C1orf105: variants seen among roughly 807,000 people sequenced by gnomAD.
C1orf105 encodes uncharacterized protein C1orf105.
C1orf105 carries 17 observed loss-of-function variants against 20.8 expected under a neutral mutation model. The ratio of observed to expected loss-of-function variants is 0.82; its 90% CI spans 0.56 to 1.23. The LOEUF is 1.23. C1orf105 is among the 50% of genes most tolerant of loss of function. The pLI, the probability that C1orf105 is intolerant of heterozygous loss-of-function variation, is 0.00. For missense variants in C1orf105, 219 were observed against 213.5 expected (o/e 1.03, Z -0.16); for synonymous variants, 72 against 72.1 (o/e 1.00, Z 0.01).
chr1:172,444,435 A>G, intron 1 of C1orf105: 2 of 444,296 alleles, frequency 4.5e-6, no homozygotes, highest in Non-Finnish European at 6.0e-6. Context: ...GAATGCCTGC[A>G]TGTAACAAGC....
intron 6 of C1orf105, among the ~76,000 whole-genome samples, chr1:172,467,763 CT>C (rs1215603158): frequency 6.6e-6 from 1 of 152,160 alleles, no homozygotes; most frequent in Non-Finnish European, 1.5e-5. Context: ...AGTTCCAATT[CT>C]CTTAGTCACT....
intron 1 of C1orf105, among the ~76,000 whole-genome samples, chr1:172,440,732 T>C (rs2072193471): frequency 6.6e-6 from 1 of 152,202 alleles, no homozygotes; most frequent in South Asian, 2.1e-4. Context: ...GGCACAGTAG[T>C]AGTCTTATGT....
intron 6 of C1orf105, 124 bp from the exon 7 acceptor site, chr1:172,468,325 G>A: frequency 1.4e-6 from 1 of 720,616 alleles, no homozygotes; most frequent in Non-Finnish European, 2.1e-6. Context: ...AAATTATTAG[G>A]TGAATTTTAA....
At chr1:172,455,203 C>T (rs1649105907) in intron 3 of C1orf105, among the ~76,000 whole-genome samples, 1 of 152,048 alleles carries the variant, frequency 6.6e-6, no homozygotes, top group Non-Finnish European at 1.5e-5. Flanking sequence ...AGTTTTTAGC[C>T]CTCAAACCCC....
chr1:172,441,299 C>T (rs1647272874), intron 1 of C1orf105, among the ~76,000 whole-genome samples: 1 of 151,448 alleles, frequency 6.6e-6, no homozygotes, highest in African/African-American at 2.4e-5. Flanking sequence ...GATTTGAGCC[C>T]TAGATAAATA....
intron 3 of C1orf105, among the ~76,000 whole-genome samples, chr1:172,450,595 G>A (rs1233003210): frequency 2.0e-5 from 3 of 152,192 alleles, no homozygotes; most frequent in Admixed American, 1.3e-4. Context: ...CTGGCAATCC[G>A]GAGGCCAACT....
At chr1:172,435,496 A>T (rs1421044816) in intron 1 of C1orf105, among the ~76,000 whole-genome samples, 1 of 152,222 alleles carries the variant, frequency 6.6e-6, no homozygotes, top group Non-Finnish European at 1.5e-5. Flanking sequence ...AAAAAAAACC[A>T]CAAAATTATC....
intron 4 of C1orf105, among the ~76,000 whole-genome samples, chr1:172,459,884 A>G (rs1470496076): frequency 4.6e-5 from 7 of 152,228 alleles, no homozygotes; most frequent in African/African-American, 1.7e-4. Context: ...ATGAAATACT[A>G]AAACATGCTA....
Position 172,448,510 on chromosome 1 carries a change from A to C in C1orf105, c.177A>C (p.Gln59His), listed in dbSNP as rs144143981. 6.2e-7 allele frequency: 1 copy of C among 1,612,334 alleles called. No individual in the cohort carries two copies. Among genetic ancestry groups the C allele is most frequent in the African/African-American group, 1.3e-5 (1 of 74,914 alleles). Residue 59 changes from glutamine to histidine, a missense_variant, in exon 3 of 7, where the codon CAA (glutamine) becomes CAC (histidine). Transcript: ENST00000367727. ...ATATGAATTTGCCAATTTTGTTTCAAGTTCCAGATGTTTTATCTAAGGTAC... is the reference window on the plus strand; with the variant it reads ...ATATGAATTTGCCAATTTTGTTTCACGTTCCAGATGTTTTATCTAAGGTAC... Reference protein sequence around the residue: ...KKNMNLPILFQVPDVLSKARR... With the variant: ...KKNMNLPILFHVPDVLSKARR...
At chr1:172,434,750 G>C (rs2071982555) in intron 1 of C1orf105, among the ~76,000 whole-genome samples, 1 of 152,180 alleles carries the variant, frequency 6.6e-6, no homozygotes, top group Admixed American at 6.5e-5. Context: ...ACTAAGATCA[G>C]AGCAGAACTG....
intron 3 of C1orf105, among the ~76,000 whole-genome samples, chr1:172,454,078 A>G (rs1248858349): frequency 2.0e-5 from 3 of 152,184 alleles, no homozygotes; most frequent in Non-Finnish European, 4.4e-5. Context: ...TCCACTTCCT[A>G]TAGGGTCTAA....
chr1:172,433,163 G>A (rs968341734), intron 1 of C1orf105, among the ~76,000 whole-genome samples: 2 of 152,180 alleles, frequency 1.3e-5, no homozygotes, highest in Non-Finnish European at 2.9e-5. Context: ...AAAGTGATGG[G>A]GAGAATGGAA....
intron 6 of C1orf105, among the ~76,000 whole-genome samples, chr1:172,466,559 A>T (rs897823719): frequency 1.9e-4 from 29 of 151,010 alleles, no homozygotes; most frequent in Admixed American, 4.0e-4. Context: ...TGCATTGCAA[A>T]GGAATGAATC....
chr1:172,453,406 C>A (rs781756945), intron 3 of C1orf105, among the ~76,000 whole-genome samples: 10 of 152,172 alleles, frequency 6.6e-5, no homozygotes, highest in Non-Finnish European at 1.2e-4. Context: ...CAGTGTTCTT[C>A]CCCAGTGCAT....
chr1:172,444,608 C>T (rs1358185339), intron 1 of C1orf105, among the ~76,000 whole-genome samples: 2 of 152,206 alleles, frequency 1.3e-5, no homozygotes, highest in Non-Finnish European at 1.5e-5. Context: ...TGTCCAAAGA[C>T]AGGCACCTGG....
At chr1:172,430,881 A>G (rs2071853877) in intron 1 of C1orf105, among the ~76,000 whole-genome samples, 1 of 152,110 alleles carries the variant, frequency 6.6e-6, no homozygotes, top group African/African-American at 2.4e-5. Flanking sequence ...TTCAAACTTT[A>G]TTATCATATC....
intron 1 of C1orf105, among the ~76,000 whole-genome samples, chr1:172,435,740 C>T (rs181688924): frequency 5.9e-4 from 90 of 152,156 alleles, no homozygotes; most frequent in African/African-American, 2.1e-3. Context: ...TGGAAGTTCT[C>T]GCCAGGGCAA....
chr1:172,443,474 C>T (rs1374063794), intron 1 of C1orf105: 1 of 167,090 alleles, frequency 6.0e-6, no homozygotes, highest in Non-Finnish European at 1.5e-5. Flanking sequence ...ACTCTTCTTC[C>T]ATTAGCTGAG....
intron 1 of C1orf105, chr1:172,431,017 T>C: frequency 1.7e-6 from 1 of 599,426 alleles, no homozygotes. Context: ...ACTGCTCCAC[T>C]GACCAGCTCT....
Sources: gnomAD v4.1 joint callset for allele counts (sites outside exome capture counted in the v4.1 genomes callset) on GRCh38, gnomAD v4.1.1 for gene constraint, MANE v1.5 for transcripts, NCBI Gene and HGNC (gene_info 2026-07-23, HGNC 2026-07-21) for gene names.